The following PIWIL1 variants were observed in gnomAD, a reference collection of about 807,000 sequenced individuals.
PIWIL1 encodes piwi-like protein 1.
PIWIL1 carries 73 observed loss-of-function variants against 114.4 expected under a neutral mutation model. That is an observed-to-expected ratio of 0.64 (90% CI 0.53 to 0.78). The LOEUF is 0.78. Ranked by LOEUF, PIWIL1 falls within the 30% of genes least tolerant of loss-of-function variation. The pLI, the probability that PIWIL1 is intolerant of heterozygous loss-of-function variation, is 0.00. For synonymous variants in PIWIL1, 375 were observed against 369.0 expected, an observed-to-expected ratio of 1.02 and a Z score of -0.19; for missense variants, 723 against 1,063.1, an observed-to-expected ratio of 0.68 and a Z score of 4.45.
the PIWIL1 span, among the ~76,000 whole-genome samples, chr12:130,384,840 A>C: frequency 6.6e-6 from 1 of 152,224 alleles, no homozygotes; most frequent in African/African-American, 2.4e-5. Flanking sequence ...AAAAAATAAA[A>C]AGATGACTTT....
the PIWIL1 span, chr12:130,424,198 T>A: frequency 2.7e-5 from 33 of 1,232,068 alleles, no homozygotes; most frequent in Non-Finnish European, 3.2e-5. This position sits in a 1 kb window ranked among gnomAD's most constrained non-coding sequence, Gnocchi z 9.8. Context: ...GCTGCCCTAC[T>A]GTCGGGCATG....
At chr12:130,343,523 T>A (rs955022697) in intron 3 of PIWIL1, among the ~76,000 whole-genome samples, 1 of 152,204 alleles carries the variant, frequency 6.6e-6, no homozygotes, top group East Asian at 1.9e-4. Flanking sequence ...CCTAATGTAT[T>A]GTAGAAATTA....
intron 13 of PIWIL1, 79 bp downstream of exon 13, chr12:130,357,184 C>T (rs2073386597): frequency 8.9e-7 from 1 of 1,127,454 alleles, no homozygotes; most frequent in Non-Finnish European, 1.3e-6. Flanking sequence ...AACATACAAA[C>T]TACGTTATCT....
rs1387172608 is a variant in PIWIL1, at chr12:130,372,076, A to C, written c.*478A>C. Reference sequence around the variant, plus strand: ...GTTTCAGCTCATATCTTAAAGATAAAAGGTACTATTATATAACCTATACAC... The same window carrying C: ...GTTTCAGCTCATATCTTAAAGATAACAGGTACTATTATATAACCTATACAC... On this transcript the variant is annotated 3_prime_UTR_variant, in exon 21 of 21. Coordinates refer to ENST00000245255, the MANE Select transcript of PIWIL1 (RefSeq NM_004764.5). 6.5e-6 allele frequency: 1 copy of C among 152,842 alleles called. No homozygotes were observed. The highest frequency in any genetic ancestry group is 1.5e-5 in the Non-Finnish European group (1 of 68,570). The allele number at this position is 152,842 out of a possible 1,614,324, so 9.5% of individuals were successfully genotyped here.
At chr12:130,386,144 G>T in the PIWIL1 span, among the ~76,000 whole-genome samples, 1 of 152,050 alleles carries the variant, frequency 6.6e-6, no homozygotes, top group Non-Finnish European at 1.5e-5. Context: ...GGATGCCATG[G>T]GAGAAGTTAA....
chr12:130,350,038 C>A (rs530138211), intron 9 of PIWIL1, 71 bp downstream of exon 9: 3 of 840,640 alleles, frequency 3.6e-6, no homozygotes, highest in South Asian at 1.6e-5. Flanking sequence ...ACACTTGTTG[C>A]ACATTTGGAA....
At chr12:130,372,650 T>C (rs1420643448), downstream of PIWIL1, 1 of 132,190 alleles carries the variant, frequency 7.6e-6, no homozygotes, top group Non-Finnish European at 1.6e-5. Flanking sequence ...GCTCAATTAG[T>C]GTCTCTTACG....
At chr12:130,404,174 A>G in the PIWIL1 span, among the ~76,000 whole-genome samples, 3 of 152,368 alleles carry the variant, frequency 2.0e-5, no homozygotes, top group East Asian at 3.9e-4. Flanking sequence ...AAATAAATGC[A>G]TTCAGAAAAA....
At chr12:130,408,169 G>A in the PIWIL1 span, among the ~76,000 whole-genome samples, 1 of 152,214 alleles carries the variant, frequency 6.6e-6, no homozygotes, top group Admixed American at 6.5e-5. Context: ...CGGGGAGGCC[G>A]TGGCTTGGGA....
the PIWIL1 span, chr12:130,426,051 AC>A: frequency 6.6e-6 from 1 of 152,284 alleles, no homozygotes; most frequent in Non-Finnish European, 1.5e-5. Flanking sequence ...TCGAAAACAA[AC>A]CATCCTTAGA....
At chr12:130,345,104 A>G (rs576561896) in intron 3 of PIWIL1, among the ~76,000 whole-genome samples, 24 of 152,370 alleles carry the variant, frequency 1.6e-4, no homozygotes, top group Admixed American at 1.4e-3. Flanking sequence ...TCAGCAAATC[A>G]AATGACTTGA....
chr12:130,368,629 T>C (rs2073734872), intron 19 of PIWIL1, among the ~76,000 whole-genome samples: 1 of 152,192 alleles, frequency 6.6e-6, no homozygotes, highest in South Asian at 2.1e-4. Context: ...AAGGCTAAGA[T>C]GTTAACATAG....
the PIWIL1 span, among the ~76,000 whole-genome samples, chr12:130,385,047 C>T: frequency 6.6e-6 from 1 of 152,196 alleles, no homozygotes; most frequent in South Asian, 2.1e-4. Context: ...CCCTCTTCCA[C>T]GCTCACCATA....
At chr12:130,374,920 C>T (rs1391082063), downstream of PIWIL1, among the ~76,000 whole-genome samples, 1 of 152,158 alleles carries the variant, frequency 6.6e-6, no homozygotes, top group Non-Finnish European at 1.5e-5. Context: ...CGGCTTTCTC[C>T]CGGGTCACTC....
intron 18 of PIWIL1, among the ~76,000 whole-genome samples, chr12:130,365,493 C>G (rs1358217164): frequency 2.0e-5 from 3 of 152,144 alleles, no homozygotes; most frequent in African/African-American, 7.2e-5. Flanking sequence ...TTAGAAAATG[C>G]AAAGTTTGGA....
At chr12:130,403,661 CTT>C in the PIWIL1 span, among the ~76,000 whole-genome samples, 1 of 141,270 alleles carries the variant, frequency 7.1e-6, no homozygotes, top group Non-Finnish European at 1.5e-5. Flanking sequence ...TGCTGTGTCA[CTT>C]AATCTCCTCT....
At chr12:130,401,172 G>A in the PIWIL1 span, among the ~76,000 whole-genome samples, 2 of 152,008 alleles carry the variant, frequency 1.3e-5, no homozygotes, top group African/African-American at 4.8e-5. Context: ...CTGAAGTGCA[G>A]TAGCGTGATC....
the PIWIL1 span, chr12:130,407,646 C>G: frequency 9.2e-7 from 1 of 1,082,224 alleles, no homozygotes; most frequent in Non-Finnish European, 1.4e-6. Flanking sequence ...GGTGAACACA[C>G]GTGGCCTCAG....
chr12:130,407,866 A>T, the PIWIL1 span: 18 of 1,575,994 alleles, frequency 1.1e-5, no homozygotes, highest in Non-Finnish European at 2.6e-6. Flanking sequence ...ATCCATCATG[A>T]GGTTATTTCA....
Sources: gnomAD v4.1 joint callset for allele counts (sites outside exome capture counted in the v4.1 genomes callset) on GRCh38, gnomAD v4.1.1 for gene constraint, Gnocchi (gnomAD v3.1) non-coding constraint, MANE v1.5 for transcripts, NCBI Gene and HGNC (gene_info 2026-07-23, HGNC 2026-07-21) for gene names.